FRMPD1: variants seen among roughly 807,000 people sequenced by gnomAD.
FRMPD1 encodes FERM and PDZ domain containing 1, also known as FERM and PDZ domain-containing protein 1.
Under a neutral mutation model 117.8 loss-of-function variants are expected in FRMPD1, and 76 were observed. The ratio of observed to expected loss-of-function variants is 0.65; its 90% CI spans 0.54 to 0.78. The LOEUF (loss-of-function observed/expected upper bound fraction) is 0.78, where lower values mean the gene tolerates loss of function less well. Ranked by LOEUF, FRMPD1 falls within the 30% of genes least tolerant of loss-of-function variation. The probability of loss-of-function intolerance (pLI) is 0.00; values close to 1 mark genes in which losing one functional copy is unlikely to be tolerated. For missense variants in FRMPD1, 1,786 were observed against 1,964.5 expected, an observed-to-expected ratio of 0.91 and a Z score of 1.72; for synonymous variants, 783 against 770.4, an observed-to-expected ratio of 1.02 and a Z score of -0.27.
intron 1 of FRMPD1, among the ~76,000 whole-genome samples, chr9:37,651,622 G>C (rs1820678114): frequency 6.6e-6 from 1 of 152,226 alleles, no homozygotes; most frequent in Admixed American, 6.5e-5. Context: ...CCAGGGTCGC[G>C]TCGCTAACTT....
chr9:37,604,274 T>G, the FRMPD1 span, among the ~76,000 whole-genome samples: 1 of 151,620 alleles, frequency 6.6e-6, no homozygotes, highest in Non-Finnish European at 1.5e-5. Context: ...AAAGATTATA[T>G]TAAAGAAAAG....
At chr9:37,719,917 C>T (rs1449090018) in intron 6 of FRMPD1, among the ~76,000 whole-genome samples, 1 of 152,138 alleles carries the variant, frequency 6.6e-6, no homozygotes, top group Non-Finnish European at 1.5e-5. Flanking sequence ...TATACATTTT[C>T]CCCCAGTAGT....
intron 2 of FRMPD1, among the ~76,000 whole-genome samples, chr9:37,699,013 A>G (rs1409838182): frequency 1.3e-5 from 2 of 151,972 alleles, no homozygotes; most frequent in Non-Finnish European, 2.9e-5. Context: ...TGCTGGGATT[A>G]CAGGTGTGAG....
At chr9:37,739,119 T>C (rs1336136998) in intron 14 of FRMPD1, among the ~76,000 whole-genome samples, 4 of 151,814 alleles carry the variant, frequency 2.6e-5, no homozygotes, top group Non-Finnish European at 4.4e-5. Context: ...AGGGGAGGTG[T>C]CAAGACCATC....
chr9:37,737,505 T>G (rs1414258464), intron 14 of FRMPD1, among the ~76,000 whole-genome samples: 1 of 152,202 alleles, frequency 6.6e-6, no homozygotes, highest in South Asian at 2.1e-4. Context: ...TTCCTAAGAT[T>G]GTCTCTCAGA....
At chr9:37,742,413 A>G (rs1223777658) in intron 15 of FRMPD1, among the ~76,000 whole-genome samples, 1 of 152,162 alleles carries the variant, frequency 6.6e-6, no homozygotes, top group Non-Finnish European at 1.5e-5. Flanking sequence ...TGTTTTTTAT[A>G]GGGAGCCAGT....
At chr9:37,611,073 G>A in the FRMPD1 span, among the ~76,000 whole-genome samples, 4 of 152,158 alleles carry the variant, frequency 2.6e-5, no homozygotes, top group Admixed American at 6.5e-5. Context: ...GTAAAAATAC[G>A]TTTGTAGGAT....
chr9:37,698,549 CTTTTTTTTTTTTT>C (rs531498194), intron 2 of FRMPD1, among the ~76,000 whole-genome samples: 7 of 74,592 alleles, frequency 9.4e-5, no homozygotes, highest in Admixed American at 5.4e-4. Flanking sequence ...ATCTCATTAT[CTTTTTTTTTTTTT>C]TTTTTTTTTT....
the FRMPD1 span, among the ~76,000 whole-genome samples, chr9:37,607,455 TA>T: frequency 6.6e-6 from 1 of 151,088 alleles, no homozygotes; most frequent in Non-Finnish European, 1.5e-5. Flanking sequence ...AAACAAGGAT[TA>T]GGGGAAAAAG....
chr9:37,678,325 A>G (rs1006842412), intron 1 of FRMPD1, among the ~76,000 whole-genome samples: 2 of 136,156 alleles, frequency 1.5e-5, no homozygotes, highest in African/African-American at 2.8e-5. Flanking sequence ...CAGTGGTGCA[A>G]TCTCGGCTCA....
chr9:37,673,502 G>C (rs1588916220), intron 1 of FRMPD1, among the ~76,000 whole-genome samples: 1 of 152,200 alleles, frequency 6.6e-6, no homozygotes, highest in South Asian at 2.1e-4. Flanking sequence ...ACCATTCTGG[G>C]GTCTGGAGGA....
chr9:37,617,060 C>CTA, the FRMPD1 span, among the ~76,000 whole-genome samples: 1 of 152,266 alleles, frequency 6.6e-6, no homozygotes, highest in Non-Finnish European at 1.5e-5. Flanking sequence ...AGCACCCACA[C>CTA]TATGCTAGGC....
the FRMPD1 span, among the ~76,000 whole-genome samples, chr9:37,608,203 C>T: frequency 9.9e-5 from 15 of 152,162 alleles, no homozygotes. Context: ...ATGTCAAACC[C>T]TTTTCAAAGC....
intron 1 of FRMPD1, among the ~76,000 whole-genome samples, chr9:37,672,802 G>T (rs1821399245): frequency 1.3e-5 from 2 of 152,160 alleles, no homozygotes; most frequent in South Asian, 4.1e-4. Context: ...GGAAGCAAAA[G>T]TGGAAGCCCC....
At chr9:37,691,977 A>G (rs932358271) in intron 1 of FRMPD1, among the ~76,000 whole-genome samples, 2 of 152,184 alleles carry the variant, frequency 1.3e-5, no homozygotes, top group Admixed American at 6.5e-5. Context: ...GTGATTATGT[A>G]TGGGCATGGG....
chr9:37,638,035 TTC>T, the FRMPD1 span, among the ~76,000 whole-genome samples: 5 of 65,906 alleles, frequency 7.6e-5, no homozygotes, highest in African/African-American at 2.3e-4. Flanking sequence ...TCTCTCTTTC[TTC>T]CTTTCTTTCT....
At chr9:37,701,505 A>C (rs1316379726) in intron 2 of FRMPD1, among the ~76,000 whole-genome samples, 5 of 105,378 alleles carry the variant, frequency 4.7e-5, no homozygotes, top group Non-Finnish European at 1.0e-4. Context: ...GTGTGTGTGC[A>C]TGTACGTGTG....
intron 2 of FRMPD1, among the ~76,000 whole-genome samples, chr9:37,697,318 G>A (rs1156427581): frequency 1.3e-5 from 2 of 152,046 alleles, no homozygotes; most frequent in East Asian, 1.9e-4. Flanking sequence ...AGCTAAACTC[G>A]GCCAGGCCCA....
chr9:37,647,584 T>C (rs1824165723), upstream of FRMPD1, among the ~76,000 whole-genome samples: 2 of 152,164 alleles, frequency 1.3e-5, no homozygotes, highest in Admixed American at 1.3e-4. Context: ...CATATATACT[T>C]TATTTGTTGA....
Sources: allele counts gnomAD v4.1 joint callset (sites outside exome capture counted in the v4.1 genomes callset), GRCh38; gene constraint gnomAD v4.1.1; transcripts MANE v1.5; gene names NCBI Gene and HGNC (gene_info 2026-07-23, HGNC 2026-07-21).